Variants in SLC39A11 observed in about 807,000 individuals in gnomAD.
SLC39A11 encodes solute carrier family 39 member 11.
SLC39A11 carries 33 observed loss-of-function variants against 36.1 expected under a neutral mutation model. That is an observed-to-expected ratio of 0.91 (90% confidence interval 0.69 to 1.22). The LOEUF is 1.22. Ranked by LOEUF, SLC39A11 falls within the 50% of genes most tolerant of loss-of-function variation. SLC39A11 has a pLI of 0.00. For synonymous variants in SLC39A11, 166 were observed against 170.3 expected (o/e 0.97, Z 0.20); for missense variants, 432 against 430.3 (o/e 1.00, Z -0.03).
At chr17:73,029,383 C>T (rs971635808) in intron 4 of SLC39A11, among the ~76,000 whole-genome samples, 2 of 151,974 alleles carry the variant, frequency 1.3e-5, no homozygotes, top group Non-Finnish European at 2.9e-5. Flanking sequence ...CAGATCTCTG[C>T]CTGCTGCTCA....
rs117415470 is a variant in SLC39A11 at position 72,966,989 on chromosome 17, A to C, written c.307-19114T>G. ...GCATGAGCCCTATTGTGAACTGTGC[A>C]TGCAAAGGATCTAGGTTGCGCGTTC... On this transcript the variant is annotated intron_variant, in intron 4 of 9. Transcript: ENST00000255559. Among the ~76,000 whole-genome samples, 422 of 152,276 alleles carry C rather than the reference A, an allele frequency of 2.8e-3. 14 individuals carry two copies. The East Asian group carries it at 0.076, about 27-fold the overall frequency.
At chr17:73,037,493 T>C (rs1047146089) in intron 3 of SLC39A11, among the ~76,000 whole-genome samples, 1 of 152,198 alleles carries the variant, frequency 6.6e-6, no homozygotes. Flanking sequence ...AGGTGCTGAG[T>C]ACCAGGCCCA....
intron 4 of SLC39A11, chr17:72,993,085 T>C (rs1257577756): frequency 1.3e-5 from 2 of 151,894 alleles, no homozygotes; most frequent in East Asian, 1.9e-4. Flanking sequence ...TCCCACTAGG[T>C]CCCTCCCAGG....
intron 3 of SLC39A11, among the ~76,000 whole-genome samples, chr17:73,079,702 A>C (rs2060451435): frequency 6.6e-6 from 1 of 152,236 alleles, no homozygotes; most frequent in South Asian, 2.1e-4. Flanking sequence ...GAGGAAGTCA[A>C]ACATCGCTGT....
At chr17:72,941,331 A>G (rs556786405) in intron 5 of SLC39A11, among the ~76,000 whole-genome samples, 8 of 152,332 alleles carry the variant, frequency 5.3e-5, no homozygotes, top group Admixed American at 5.2e-4. Flanking sequence ...CCAGCCAAGG[A>G]GAAAGGCCTC....
chr17:72,793,737 T>C (rs1029435824), intron 6 of SLC39A11, among the ~76,000 whole-genome samples: 1 of 152,078 alleles, frequency 6.6e-6, no homozygotes, highest in African/African-American at 2.4e-5. Context: ...GTCTGGAAAA[T>C]GCCTCTTGAT....
intron 6 of SLC39A11, among the ~76,000 whole-genome samples, chr17:72,782,813 G>C (rs112544608): frequency 0.037 from 5,530 of 150,034 alleles, 313 homozygotes; most frequent in African/African-American, 0.12. Flanking sequence ...CCAGCCTGGC[G>C]AACATGGCAA....
chr17:72,779,208 C>T (rs548562858), intron 6 of SLC39A11, among the ~76,000 whole-genome samples: 1 of 152,224 alleles, frequency 6.6e-6, no homozygotes, highest in African/African-American at 2.4e-5. Flanking sequence ...CTTTGGGAAG[C>T]GGAAGCCAGC....
chr17:73,049,620 G>T (rs554299399), intron 3 of SLC39A11, among the ~76,000 whole-genome samples: 2 of 152,316 alleles, frequency 1.3e-5, no homozygotes, highest in Admixed American at 1.3e-4. Flanking sequence ...TCTCAAATAT[G>T]ATTTAGGAAG....
chr17:72,961,405 T>A (rs571782626), intron 4 of SLC39A11, among the ~76,000 whole-genome samples: 79 of 139,878 alleles, frequency 5.6e-4, no homozygotes, highest in African/African-American at 1.8e-3. Flanking sequence ...CCCAAAGGAT[T>A]ATAAATCATT....
Position 72,937,051 on chromosome 17 carries a change from C to T in SLC39A11, c.430+10701G>A, listed in dbSNP as rs1378655475. On this transcript the variant is annotated intron_variant, in intron 5 of 9. Transcript: ENST00000255559. Reference sequence around the variant, plus strand: ...TAGAGGGTCCCAAGAGGTTAGCAAGCGCCAGTGGGCTCTGAGGGCTGCCTT... The same window carrying T: ...TAGAGGGTCCCAAGAGGTTAGCAAGTGCCAGTGGGCTCTGAGGGCTGCCTT... Among the ~76,000 whole-genome samples the T allele has an allele frequency of 3.9e-5, 6 of 152,214 alleles. No individual in the cohort carries two copies. The East Asian group carries it at 9.6e-4, about 24-fold the overall frequency.
chr17:72,913,661 C>T (rs2083156084), intron 5 of SLC39A11, among the ~76,000 whole-genome samples: 1 of 152,006 alleles, frequency 6.6e-6, no homozygotes, highest in Non-Finnish European at 1.5e-5. Context: ...GAGGACTCGC[C>T]CAAGGCTCCT....
At chr17:72,660,763 C>T (rs1325945159) in intron 7 of SLC39A11, among the ~76,000 whole-genome samples, 1 of 152,164 alleles carries the variant, frequency 6.6e-6, no homozygotes, top group African/African-American at 2.4e-5. Context: ...CATTTCACAC[C>T]GTGAGTTCCT....
intron 7 of SLC39A11, among the ~76,000 whole-genome samples, chr17:72,669,481 G>A (rs1190710857): frequency 6.6e-6 from 1 of 152,142 alleles, no homozygotes; most frequent in Non-Finnish European, 1.5e-5. Context: ...GGGTTTCTCT[G>A]ATATTTTCTC....
rs149791631 is a variant in SLC39A11 at position 73,058,658 on chromosome 17, G to A, written c.147+26150C>T. On this transcript the variant is annotated intron_variant, in intron 3 of 9. Transcript: ENST00000255559. ...GAATTGCTTGAACCTGGGAGGTGGA[G>A]GTTGCAGTGAGTCGAGATCGCACCA... is the stretch of plus-strand genomic sequence containing the variant. 3.2e-3 allele frequency among the ~76,000 whole-genome samples: 485 copies of A among 152,308 alleles called. 4 individuals carry two copies. The highest frequency in any genetic ancestry group is 0.011 in the African/African-American group (465 of 41,548).
intron 7 of SLC39A11, among the ~76,000 whole-genome samples, chr17:72,649,630 CT>C (rs1478985503): frequency 1.4e-5 from 2 of 144,024 alleles, no homozygotes; most frequent in African/African-American, 2.8e-5. Context: ...GTTTCTTTTT[CT>C]TTTTTTCTTT....
chr17:72,744,709 G>A (rs1340592423), intron 6 of SLC39A11, among the ~76,000 whole-genome samples: 2 of 151,990 alleles, frequency 1.3e-5, no homozygotes, highest in African/African-American at 2.4e-5. Context: ...AGGGTGAGGG[G>A]GCCTCTCTCT....
intron 5 of SLC39A11, among the ~76,000 whole-genome samples, chr17:72,924,987 G>A (rs1332115943): frequency 7.1e-6 from 1 of 140,286 alleles, no homozygotes; most frequent in Non-Finnish European, 1.5e-5. Flanking sequence ...GGGTGACAGA[G>A]TGAGACTCCA....
chr17:72,840,449 C>T (rs898879417), intron 6 of SLC39A11, among the ~76,000 whole-genome samples: 5 of 152,208 alleles, frequency 3.3e-5, no homozygotes, highest in Non-Finnish European at 5.9e-5. Flanking sequence ...CCTTGGCCCA[C>T]CTGGACAATG....
Sources: gnomAD v4.1 joint callset for allele counts (sites outside exome capture counted in the v4.1 genomes callset) on GRCh38, gnomAD v4.1.1 for gene constraint, MANE v1.5 for transcripts, NCBI Gene and HGNC (gene_info 2026-07-23, HGNC 2026-07-21) for gene names.